The following CPQ variants were observed in gnomAD, a reference collection of about 807,000 sequenced individuals.
CPQ encodes Ser-Met dipeptidase.
In CPQ, 37 loss-of-function variants were observed where a neutral mutation model predicts 45.7. The ratio of observed to expected loss-of-function variants is 0.81; its 90% confidence interval spans 0.62 to 1.07. The LOEUF is 1.07. CPQ is among the 50% of genes least tolerant of loss of function. The pLI is 0.00. For missense variants in CPQ, 537 were observed against 572.9 expected, an observed-to-expected ratio of 0.94 and a Z score of 0.64; for synonymous variants, 186 against 205.8, an observed-to-expected ratio of 0.90 and a Z score of 0.82.
At chr8:97,134,034 C>T (rs1341575903) in intron 7 of CPQ, among the ~76,000 whole-genome samples, 1 of 152,226 alleles carries the variant, frequency 6.6e-6, no homozygotes, top group Non-Finnish European at 1.5e-5. Context: ...ACTGACTTGT[C>T]ATTCTCCAAG....
chr8:96,788,041 G>T (rs1280672955), intron 2 of CPQ, among the ~76,000 whole-genome samples: 2 of 150,686 alleles, frequency 1.3e-5, no homozygotes, highest in Non-Finnish European at 3.0e-5. Context: ...ATTCTTAGTT[G>T]AGGGGTTTGT....
At chr8:96,932,638 C>A (rs1358739072) in intron 4 of CPQ, among the ~76,000 whole-genome samples, 3 of 152,154 alleles carry the variant, frequency 2.0e-5, no homozygotes, top group African/African-American at 7.2e-5. Context: ...GTTCTTGGAC[C>A]CTTTCCCCTT....
chr8:97,072,497 A>T (rs564246499), intron 7 of CPQ, among the ~76,000 whole-genome samples: 2 of 152,180 alleles, frequency 1.3e-5, no homozygotes, highest in Non-Finnish European at 2.9e-5. Flanking sequence ...ACGGTAATTT[A>T]AAAAAAAGAA....
intron 4 of CPQ, among the ~76,000 whole-genome samples, chr8:96,934,839 C>CATAATAAA (rs1813023479): frequency 6.6e-6 from 1 of 152,122 alleles, no homozygotes; most frequent in East Asian, 1.9e-4. Flanking sequence ...TATGAAGGGC[C>CATAATAAA]ATACCCAAAG....
At chr8:96,786,589 A>T (rs952975181) in intron 2 of CPQ, among the ~76,000 whole-genome samples, 3 of 152,180 alleles carry the variant, frequency 2.0e-5, no homozygotes, top group Non-Finnish European at 4.4e-5. Context: ...GTTTAACTTT[A>T]TGAGGTATTG....
At chr8:97,091,176 T>G (rs1005083828) in intron 7 of CPQ, among the ~76,000 whole-genome samples, 1 of 152,170 alleles carries the variant, frequency 6.6e-6, no homozygotes, top group African/African-American at 2.4e-5. Context: ...ATCCTATGAC[T>G]GTGTATCTTA....
At chr8:96,743,760 T>C (rs960494421) in intron 1 of CPQ, among the ~76,000 whole-genome samples, 1 of 152,094 alleles carries the variant, frequency 6.6e-6, no homozygotes, top group African/African-American at 2.4e-5. Context: ...GTGCCCCTGC[T>C]GGGGGGTGCC....
At chr8:96,810,731 TTATAGCATCTAGTTAG>T (rs1164780923) in intron 2 of CPQ, among the ~76,000 whole-genome samples, 1 of 152,218 alleles carries the variant, frequency 6.6e-6, no homozygotes, top group African/African-American at 2.4e-5. Flanking sequence ...ACCTGACTCC[TTATAGCATCTAGTTAG>T]AACTTCCTCT....
intron 7 of CPQ, among the ~76,000 whole-genome samples, chr8:97,080,067 C>T (rs1377819489): frequency 6.6e-6 from 1 of 152,146 alleles, no homozygotes. Flanking sequence ...GGACTCCAGA[C>T]AAAACCCACC....
At chr8:97,036,137 T>C (rs935881500) in intron 6 of CPQ, among the ~76,000 whole-genome samples, 1 of 152,142 alleles carries the variant, frequency 6.6e-6, no homozygotes, top group African/African-American at 2.4e-5. Flanking sequence ...GAGAAACATC[T>C]TGGCAAGAGG....
At chr8:97,066,907 T>TG (rs1204192709) in intron 7 of CPQ, among the ~76,000 whole-genome samples, 2 of 139,164 alleles carry the variant, frequency 1.4e-5, no homozygotes, top group African/African-American at 5.5e-5. Flanking sequence ...CTGGAACAGC[T>TG]GGAACAGTCT....
chr8:96,743,237 C>A (rs537895323), intron 1 of CPQ, among the ~76,000 whole-genome samples: 1 of 152,170 alleles, frequency 6.6e-6, no homozygotes, highest in South Asian at 2.1e-4. Flanking sequence ...CATCTTCCAT[C>A]GTTGATACCC....
chr8:96,873,547 T>G (rs1392332271), intron 3 of CPQ, among the ~76,000 whole-genome samples: 1 of 151,752 alleles, frequency 6.6e-6, no homozygotes, highest in African/African-American at 2.4e-5. Flanking sequence ...CAAGAGTTAT[T>G]TTAAAGTTGA....
intron 5 of CPQ, among the ~76,000 whole-genome samples, chr8:96,990,086 G>A (rs1051974668): frequency 1.7e-4 from 26 of 152,026 alleles, no homozygotes; most frequent in Non-Finnish European, 3.2e-4. Flanking sequence ...AACCTTTGCT[G>A]ATGTTCACAC....
At chr8:97,129,989 A>G (rs985533005) in intron 7 of CPQ, among the ~76,000 whole-genome samples, 2 of 152,204 alleles carry the variant, frequency 1.3e-5, no homozygotes, top group Non-Finnish European at 2.9e-5. Context: ...ATGGATGCAA[A>G]AATGAGTGAA....
chr8:96,825,103 G>C (rs1044312324), intron 2 of CPQ, among the ~76,000 whole-genome samples: 2 of 151,982 alleles, frequency 1.3e-5, no homozygotes, highest in African/African-American at 2.4e-5. Flanking sequence ...AGGTCTGGGG[G>C]TGGAATGGCC....
chr8:97,091,704 G>T (rs1243658990), intron 7 of CPQ, among the ~76,000 whole-genome samples: 1 of 152,058 alleles, frequency 6.6e-6, no homozygotes, highest in Non-Finnish European at 1.5e-5. Flanking sequence ...TTATACATTG[G>T]GAACATTTAG....
chr8:96,780,652 C>T (rs1222748654), intron 1 of CPQ, among the ~76,000 whole-genome samples: 1 of 151,768 alleles, frequency 6.6e-6, no homozygotes, highest in Non-Finnish European at 1.5e-5. Context: ...ACTTACAAAA[C>T]ATTTCAATTT....
At chr8:96,943,021 C>T (rs1813144253) in intron 4 of CPQ, among the ~76,000 whole-genome samples, 1 of 152,156 alleles carries the variant, frequency 6.6e-6, no homozygotes, top group Non-Finnish European at 1.5e-5. Context: ...AGATATATTA[C>T]TTACTAGAGA....
Sources: allele counts gnomAD v4.1 joint callset (sites outside exome capture counted in the v4.1 genomes callset), GRCh38; gene constraint gnomAD v4.1.1; transcripts MANE v1.5; gene names NCBI Gene and HGNC (gene_info 2026-07-23, HGNC 2026-07-21).